Variants in POLA1 observed in about 807,000 individuals in gnomAD.
POLA1 encodes DNA polymerase alpha 1, catalytic subunit, also known as DNA polymerase alpha catalytic subunit.
A neutral mutation model predicts 124.0 loss-of-function variants in POLA1; 15 were observed. The ratio of observed to expected loss-of-function variants is 0.12; its 90% CI spans 0.08 to 0.19. The LOEUF (loss-of-function observed/expected upper bound fraction) is 0.19. Ranked by LOEUF, POLA1 falls within the 10% of genes least tolerant of loss-of-function variation. The pLI, the probability that POLA1 is intolerant of heterozygous loss-of-function variation, is 1.00. For missense variants in POLA1, 886 were observed against 1,103.4 expected, an observed-to-expected ratio of 0.80 and a Z score of 2.79; for synonymous variants, 408 against 389.4, an observed-to-expected ratio of 1.05 and a Z score of -0.56.
At chrX:24,982,246 AAAAG>A (rs1215917662) in intron 36 of POLA1, among the ~76,000 whole-genome samples, 1 of 111,096 alleles carries the variant, frequency 9.0e-6, no homozygotes, top group Non-Finnish European at 1.9e-5. Flanking sequence ...GCCACAAAAA[AAAAG>A]AAAGAAAAAA....
intron 32 of POLA1, among the ~76,000 whole-genome samples, chrX:24,827,486 C>T (rs1220727485): frequency 8.9e-6 from 1 of 112,244 alleles, no homozygotes; most frequent in African/African-American, 3.2e-5. Flanking sequence ...ACTTAACTTT[C>T]CAGCTCCCAC....
chrX:24,974,526 C>G (rs1454418547), intron 36 of POLA1, among the ~76,000 whole-genome samples: 2 of 110,834 alleles, frequency 1.8e-5, no homozygotes, highest in East Asian at 5.7e-4. Flanking sequence ...AGCTGGAAAC[C>G]ATCATCCTCA....
At chrX:24,695,401 C>A (rs1474987730) in intron 1 of POLA1, among the ~76,000 whole-genome samples, 2 of 110,101 alleles carry the variant, frequency 1.8e-5, no homozygotes, top group African/African-American at 3.3e-5. Flanking sequence ...GCAGGCAGGG[C>A]ACCTTGATAA....
intron 1 of POLA1, among the ~76,000 whole-genome samples, chrX:24,698,255 T>C (rs769007215): frequency 9.0e-6 from 1 of 111,697 alleles, no homozygotes; most frequent in Non-Finnish European, 1.9e-5. Flanking sequence ...TTTTTTTCAG[T>C]GTGTGTGTGG....
At chrX:24,865,260 T>G (rs1382049550) in intron 34 of POLA1, among the ~76,000 whole-genome samples, 3 of 112,377 alleles carry the variant, frequency 2.7e-5, no homozygotes, top group Non-Finnish European at 5.6e-5. Context: ...TTGACTTCAT[T>G]TCTTTTACCT....
At chrX:24,798,861 G>A (rs369827597) in intron 26 of POLA1, among the ~76,000 whole-genome samples, 103 of 111,227 alleles carry the variant, frequency 9.3e-4, no homozygotes, top group African/African-American at 3.3e-3. Flanking sequence ...AGTTGAACAC[G>A]TTTACATTTC....
At chrX:24,746,742 G>A (rs1932025602) in intron 24 of POLA1, among the ~76,000 whole-genome samples, 1 of 111,984 alleles carries the variant, frequency 8.9e-6, no homozygotes, top group Non-Finnish European at 1.9e-5. Flanking sequence ...CTGTTATATT[G>A]GAAAACAGTA....
intron 36 of POLA1, among the ~76,000 whole-genome samples, chrX:24,972,040 C>T (rs1293053237): frequency 9.1e-6 from 1 of 110,049 alleles, no homozygotes; most frequent in Non-Finnish European, 1.9e-5. Flanking sequence ...ACGTTCTTGG[C>T]TCACTGCAAC....
intron 35 of POLA1, among the ~76,000 whole-genome samples, chrX:24,927,493 T>C (rs2047712962): frequency 1.8e-5 from 2 of 111,644 alleles, no homozygotes; most frequent in African/African-American, 6.5e-5. Flanking sequence ...AGTGCACCCG[T>C]GGCCCACCCT....
intron 30 of POLA1, among the ~76,000 whole-genome samples, chrX:24,820,149 GT>G (rs11573416): frequency 0.096 from 10,520 of 109,941 alleles, 1,059 homozygotes; most frequent in African/African-American, 0.3. Context: ...AAGTGAAAGT[GT>G]TTTTTTTTAA....
intron 34 of POLA1, among the ~76,000 whole-genome samples, chrX:24,855,047 G>A (rs1418269046): frequency 1.8e-5 from 2 of 111,028 alleles, no homozygotes; most frequent in Non-Finnish European, 3.8e-5. Flanking sequence ...GAGAAAAGGA[G>A]GAAACAGATT....
chrX:24,964,763 C>G (rs751487258), intron 36 of POLA1, among the ~76,000 whole-genome samples: 1 of 112,337 alleles, frequency 8.9e-6, no homozygotes, highest in East Asian at 2.8e-4. Context: ...ACATTTGTAG[C>G]TGTCCTCAGC....
chrX:24,963,958 G>A (rs922976989), intron 36 of POLA1, among the ~76,000 whole-genome samples: 7 of 111,325 alleles, frequency 6.3e-5, no homozygotes, highest in African/African-American at 1.6e-4. Context: ...TTGTGCTGCC[G>A]TTACTCTTAA....
intron 1 of POLA1, among the ~76,000 whole-genome samples, chrX:24,696,468 T>A (rs747017464): frequency 1.8e-5 from 2 of 112,176 alleles, no homozygotes; most frequent in East Asian, 5.6e-4. Context: ...TTGCTACTTG[T>A]AGAATCTTTT....
intron 32 of POLA1, among the ~76,000 whole-genome samples, chrX:24,833,727 T>C (rs999922018): frequency 4.5e-5 from 5 of 112,207 alleles, no homozygotes; most frequent in Admixed American, 9.4e-5. Flanking sequence ...TGGACTATTA[T>C]TTGTGTTATT....
rs1459245010 is a variant in POLA1, at chrX:24,792,611, C to A, written c.2965-17287C>A. On this transcript the variant is annotated intron_variant, in intron 26 of 36. Transcript: ENST00000379068. ...AACCAAGCATATCTCTTGGGGCTAGCTTTCCTGCTTATGTTCTTTTACTGT... is the reference window on the plus strand; with the variant it reads ...AACCAAGCATATCTCTTGGGGCTAGATTTCCTGCTTATGTTCTTTTACTGT... Among the ~76,000 whole-genome samples the A allele has an allele frequency of 8.0e-5, 9 of 112,024 alleles. No homozygotes were observed. In the Admixed American group the frequency reaches 8.5e-4, roughly 11 times the overall value.
intron 36 of POLA1, among the ~76,000 whole-genome samples, chrX:24,951,697 A>G (rs1326837261): frequency 2.7e-5 from 3 of 111,488 alleles, no homozygotes; most frequent in Non-Finnish European, 5.6e-5. Flanking sequence ...AATATTAGTT[A>G]TTATGTAAAT....
intron 35 of POLA1, among the ~76,000 whole-genome samples, chrX:24,907,191 A>C (rs1333011312): frequency 9.0e-6 from 1 of 110,871 alleles, no homozygotes; most frequent in African/African-American, 3.3e-5. Context: ...ACTCTGTCTT[A>C]AAGAGAATAA....
At chrX:24,848,374 C>T (rs1401585443) in intron 34 of POLA1, among the ~76,000 whole-genome samples, 1 of 112,165 alleles carries the variant, frequency 8.9e-6, no homozygotes, top group East Asian at 2.8e-4. Flanking sequence ...AGCATTTGAC[C>T]AATGATGCTG....
Sources: gnomAD v4.1 joint callset for allele counts (sites outside exome capture counted in the v4.1 genomes callset) on GRCh38, gnomAD v4.1.1 for gene constraint, MANE v1.5 for transcripts, NCBI Gene and HGNC (gene_info 2026-07-23, HGNC 2026-07-21) for gene names.